EIF2AK4: variants seen among roughly 807,000 people sequenced by gnomAD.
The protein encoded by EIF2AK4 is eukaryotic translation initiation factor 2 alpha kinase 4.
EIF2AK4 carries 139 observed loss-of-function variants against 211.1 expected under a neutral mutation model. The ratio of observed to expected loss-of-function variants is 0.66; its 90% CI spans 0.57 to 0.76. The LOEUF is 0.76. Ranked by LOEUF, EIF2AK4 falls within the 30% of genes least tolerant of loss-of-function variation. The pLI is 0.00. For synonymous variants in EIF2AK4, 710 were observed against 751.3 expected, an observed-to-expected ratio of 0.94 and a Z score of 0.90; for missense variants, 1,664 against 2,043.8, an observed-to-expected ratio of 0.81 and a Z score of 3.58.
intron 4 of EIF2AK4, among the ~76,000 whole-genome samples, chr15:39,950,657 A>G (rs556593639): frequency 4.6e-5 from 7 of 152,206 alleles, no homozygotes; most frequent in South Asian, 2.1e-4. Context: ...GTATGATAAG[A>G]ATGCTACAAA....
intron 3 of EIF2AK4, among the ~76,000 whole-genome samples, chr15:39,945,622 G>C (rs2034217209): frequency 6.6e-6 from 1 of 151,586 alleles, no homozygotes; most frequent in Non-Finnish European, 1.5e-5. Context: ...GATGAAGGTA[G>C]CTACAGATTT....
chr15:39,954,212 A>G (rs1205485635), intron 5 of EIF2AK4, among the ~76,000 whole-genome samples: 2 of 152,220 alleles, frequency 1.3e-5, no homozygotes, highest in Admixed American at 1.3e-4. Flanking sequence ...TTATCAAATG[A>G]GGGAGGGAAG....
At chr15:39,990,185 C>A in intron 15 of EIF2AK4, 88 bp from the exon 16 acceptor site, 1 of 1,299,472 alleles carries the variant, frequency 7.7e-7, no homozygotes, top group Non-Finnish European at 1.1e-6. Flanking sequence ...ATACGATTTT[C>A]ATCGCTAGGT....
chr15:40,033,398 A>G (rs1053058692), intron 37 of EIF2AK4, among the ~76,000 whole-genome samples: 5 of 152,216 alleles, frequency 3.3e-5, no homozygotes, highest in African/African-American at 4.8e-5. Flanking sequence ...AAATATATAT[A>G]TATTTTTACA....
intron 6 of EIF2AK4, 143 bp downstream of exon 6, chr15:39,955,911 C>A: frequency 1.4e-6 from 1 of 726,806 alleles, no homozygotes; most frequent in Non-Finnish European, 2.0e-6. Flanking sequence ...AATATATTAG[C>A]AATATATTAG....
At chr15:39,995,871 C>T (rs1194272296) in intron 18 of EIF2AK4, among the ~76,000 whole-genome samples, 1 of 152,164 alleles carries the variant, frequency 6.6e-6, no homozygotes, top group African/African-American at 2.4e-5. Flanking sequence ...ATGGTAAGAA[C>T]GCTTGAGAGC....
rs2307105 is a variant in EIF2AK4, at chr15:39,973,598, A to G, written c.1667A>G (p.Glu556Gly). 0.94 allele frequency: 1,507,474 copies of G among 1,609,762 alleles called. 709,825 individuals are homozygous for G. The highest frequency in any genetic ancestry group is 0.98 in the Middle Eastern group (5,895 of 6,038). Residue 556 changes from glutamate (E) to glycine (G), a missense_variant, in exon 11 of 39, where the codon GAA becomes GGA. Glu to Gly is a moderately conservative substitution (Grantham distance 98). Around this residue, in one of 7 missense-constraint regions of EIF2AK4, gnomAD observed 641 missense variants for 729.6 expected, o/e 0.88. Transcript: ENST00000263791. ...PLVEQSPEDS[E>G]GQDYVETVIP... ...ACTCCCTGTTTTATCTCAGATTCTG[A>G]AGGACAAGATTATGTTGAGACTGTT...
intron 32 of EIF2AK4, among the ~76,000 whole-genome samples, chr15:40,025,043 A>T (rs929838535): frequency 2.0e-5 from 3 of 152,174 alleles, no homozygotes; most frequent in Non-Finnish European, 4.4e-5. Flanking sequence ...GTCTTCAGGA[A>T]GGTGCTGGGA....
chr15:39,985,940 G>T, intron 14 of EIF2AK4, 52 bp downstream of exon 14: 1 of 1,535,508 alleles, frequency 6.5e-7, no homozygotes, highest in Non-Finnish European at 9.0e-7. Context: ...GTAGTGGCGG[G>T]TGGGCCTGTT....
chr15:39,976,992 C>A (rs976696379), intron 12 of EIF2AK4, 148 bp downstream of exon 12: 6 of 1,079,266 alleles, frequency 5.6e-6, no homozygotes, highest in Admixed American at 4.1e-5. Flanking sequence ...GCTCTGTCAC[C>A]CAGGCTGGAG....
chr15:40,020,019 G>A (rs1271731061), intron 30 of EIF2AK4, among the ~76,000 whole-genome samples: 2 of 151,964 alleles, frequency 1.3e-5, no homozygotes, highest in East Asian at 3.9e-4. Context: ...AAATTAGCTG[G>A]GTGTGGTTAA....
At position 40,034,309 on chromosome 15, in the gene EIF2AK4, A is replaced by C. The variant is rs940760447; in HGVS notation, c.4774-17A>C. 1.2e-6 allele frequency: 2 copies of C among 1,606,686 alleles called. No individual in the cohort carries two copies. ...CCCTAGAGACCTGTTGTTAAGTCTT[A>C]TCTATTTTTTTCCTAGTGGGATGCT... On this transcript the variant is annotated splice_polypyrimidine_tract_variant and intron_variant, in intron 37 of 38. Transcript: ENST00000263791.
intron 4 of EIF2AK4, among the ~76,000 whole-genome samples, chr15:39,950,545 C>T (rs1389679243): frequency 1.3e-5 from 2 of 148,928 alleles, no homozygotes; most frequent in Non-Finnish European, 3.0e-5. Context: ...GAGCCAAGAT[C>T]GTGCCATTGC....
intron 27 of EIF2AK4, among the ~76,000 whole-genome samples, chr15:40,014,748 A>G (rs1421406677): frequency 6.6e-6 from 1 of 151,986 alleles, no homozygotes; most frequent in Non-Finnish European, 1.5e-5. Context: ...GCTGGCTTGA[A>G]TTTTTCCTCA....
chr15:40,030,114 C>T (rs1280255711), intron 34 of EIF2AK4, among the ~76,000 whole-genome samples: 1 of 152,144 alleles, frequency 6.6e-6, no homozygotes, highest in East Asian at 1.9e-4. Context: ...TGCCTCCCTG[C>T]CCCTTCCACC....
intron 14 of EIF2AK4, among the ~76,000 whole-genome samples, 161 bp from the exon 15 acceptor site, chr15:39,987,821 TA>T (rs1362926112): frequency 2.6e-5 from 4 of 152,256 alleles, no homozygotes; most frequent in South Asian, 4.1e-4. Context: ...AGGTATTTTT[TA>T]ATACTGTTGG....
intron 6 of EIF2AK4, among the ~76,000 whole-genome samples, chr15:39,957,689 C>T (rs996628595): frequency 3.3e-4 from 51 of 152,260 alleles, no homozygotes; most frequent in Non-Finnish European, 6.5e-4. Context: ...AGCCTGAAAT[C>T]GTGCCTGGAA....
Position 39,943,370 on chromosome 15 carries a change from TTGC to T in EIF2AK4, c.258-12_258-10del. 78 of 1,351,852 alleles carry T rather than the reference TTGC, an allele frequency of 5.8e-5. No individual in the cohort carries two copies. Among genetic ancestry groups the T allele is most frequent in the South Asian group, 2.0e-4 (13 of 65,448 alleles). The allele number at this position is 1,351,852 out of a possible 1,614,324, so 83.7% of individuals were successfully genotyped here. On this transcript the variant is annotated splice_polypyrimidine_tract_variant and intron_variant, in intron 2 of 38. Transcript: ENST00000263791. ...GTAACTCTTTTTTTTTTTTTTTTTT[TTGC>T]CTTTTCCAGAGTTCCTGAAATAGAG...
chr15:40,002,683 A>G (rs1326731617), intron 21 of EIF2AK4, 30 bp from the exon 22 acceptor site: 15 of 1,611,164 alleles, frequency 9.3e-6, no homozygotes, highest in Admixed American at 3.3e-5. Flanking sequence ...TAAGGCTTCA[A>G]TGATGATGTT....
Sources: gnomAD v4.1 joint callset for allele counts (sites outside exome capture counted in the v4.1 genomes callset) on GRCh38, gnomAD v4.1.1 for gene constraint, gnomAD v4.1.1 regional missense constraint, MANE v1.5 for transcripts, NCBI Gene and HGNC (gene_info 2026-07-23, HGNC 2026-07-21) for gene names.